FRAS1: variants seen among roughly 807,000 people sequenced by gnomAD.
The protein encoded by FRAS1 is extracellular matrix organizing protein FRAS1.
Under a neutral mutation model 435.2 loss-of-function variants are expected in FRAS1, and 290 were observed. That is an observed-to-expected ratio of 0.67 (90% CI 0.61 to 0.73). FRAS1 has a LOEUF of 0.73. FRAS1 is among the 30% of genes least tolerant of loss of function. FRAS1 has a pLI of 0.00. For missense variants in FRAS1, 4,860 were observed against 5,001.5 expected, an observed-to-expected ratio of 0.97 and a Z score of 0.85; for synonymous variants, 1,800 against 1,851.0, an observed-to-expected ratio of 0.97 and a Z score of 0.71.
chr4:78,114,199 G>A (rs57386926), intron 2 of FRAS1, among the ~76,000 whole-genome samples: 8,196 of 152,066 alleles, frequency 0.054, 361 homozygotes, highest in African/African-American at 0.12. Context: ...TATCTGTTTG[G>A]GTACCAGTAG....
chr4:78,490,255 A>G (rs1407370420), intron 59 of FRAS1, among the ~76,000 whole-genome samples: 1 of 152,194 alleles, frequency 6.6e-6, no homozygotes, highest in East Asian at 1.9e-4. Flanking sequence ...AATGAGACAG[A>G]AAATTAACAA....
intron 2 of FRAS1, among the ~76,000 whole-genome samples, chr4:78,228,344 G>C (rs2110104043): frequency 6.6e-6 from 1 of 152,264 alleles, no homozygotes; most frequent in Admixed American, 6.5e-5. Context: ...AATTTCTGTG[G>C]TTAACATCTC....
intron 37 of FRAS1, 59 bp from the exon 38 acceptor site, chr4:78,432,298 A>G (rs946511083): frequency 8.0e-6 from 12 of 1,501,768 alleles, no homozygotes; most frequent in Admixed American, 2.1e-5. Flanking sequence ...AAGGTGCTAT[A>G]TAATGAAAAG....
chr4:78,262,867 A>G (rs1726177061), intron 6 of FRAS1, among the ~76,000 whole-genome samples: 1 of 151,084 alleles, frequency 6.6e-6, no homozygotes, highest in African/African-American at 2.4e-5. Context: ...ATAAAGAACC[A>G]GATAACAAAC....
intron 2 of FRAS1, among the ~76,000 whole-genome samples, chr4:78,104,980 GT>G (rs1348384891): frequency 4.0e-5 from 6 of 151,604 alleles, no homozygotes; most frequent in African/African-American, 7.3e-5. Context: ...CTCCATTGAT[GT>G]TTTTTTCTGA....
intron 2 of FRAS1, among the ~76,000 whole-genome samples, chr4:78,119,826 G>A (rs1302258386): frequency 6.6e-6 from 1 of 152,124 alleles, no homozygotes; most frequent in Non-Finnish European, 1.5e-5. Context: ...ACCAGTGTAT[G>A]GGAAACTCCA....
At chr4:78,318,676 T>C (rs1729373188) in intron 17 of FRAS1, 134 bp from the exon 18 acceptor site, 1 of 837,922 alleles carries the variant, frequency 1.2e-6, no homozygotes, top group Non-Finnish European at 1.8e-6. Flanking sequence ...CTGTGCTTTG[T>C]ATAGAACATT....
At chr4:78,414,996 T>C (rs971311358) in intron 32 of FRAS1, among the ~76,000 whole-genome samples, 3 of 152,102 alleles carry the variant, frequency 2.0e-5, no homozygotes, top group Non-Finnish European at 4.4e-5. Flanking sequence ...CAGAGCTGGG[T>C]GAGTGTAAAT....
At chr4:78,237,222 GTCC>G (rs1388571695) in intron 2 of FRAS1, among the ~76,000 whole-genome samples, 2 of 152,136 alleles carry the variant, frequency 1.3e-5, no homozygotes, top group Non-Finnish European at 2.9e-5. Context: ...GGAGCAACTT[GTCC>G]TCCTGTGGTT....
intron 15 of FRAS1, among the ~76,000 whole-genome samples, chr4:78,311,451 G>A (rs73827967): frequency 0.014 from 2,086 of 152,024 alleles, 53 homozygotes; most frequent in African/African-American, 0.047. Flanking sequence ...GTGTGCCCCC[G>A]TCATATTACC....
chr4:78,238,984 G>A (rs1182329993), intron 3 of FRAS1, among the ~76,000 whole-genome samples: 1 of 152,140 alleles, frequency 6.6e-6, no homozygotes, highest in African/African-American at 2.4e-5. Context: ...AAAATTATGT[G>A]AAATCAAATT....
chr4:78,520,012 A>C (rs1721337965), intron 67 of FRAS1, among the ~76,000 whole-genome samples: 1 of 152,152 alleles, frequency 6.6e-6, no homozygotes, highest in Non-Finnish European at 1.5e-5. Flanking sequence ...CTGAATGTTT[A>C]AAATGACCTT....
rs1415924383 is a variant in FRAS1 at position 78,452,049 on chromosome 4, C to T, written c.6584-126C>T. On this transcript the variant is annotated intron_variant, in intron 46 of 73. Coordinates refer to ENST00000512123, the MANE Select transcript of FRAS1 (RefSeq NM_025074.7). ...CCTTTATTGCACGAAGCCCTGGCTC[C>T]TTGGTGTGCTCTCTAACACACAGGC... 6 of 1,248,640 alleles carry T rather than the reference C, an allele frequency of 4.8e-6. No homozygotes were observed. The Admixed American group carries it at 8.6e-5, about 18-fold the overall frequency. 77.3% of individuals were successfully genotyped at this position (1,248,640 alleles called of 1,614,324 possible).
intron 2 of FRAS1, among the ~76,000 whole-genome samples, chr4:78,109,392 T>G (rs1490937038): frequency 1.7e-3 from 246 of 148,072 alleles, no homozygotes; most frequent in African/African-American, 4.2e-3. Flanking sequence ...ATCAAAAAGC[T>G]TATCCACCAT....
intron 50 of FRAS1, among the ~76,000 whole-genome samples, chr4:78,467,633 T>G (rs1486463842): frequency 1.3e-5 from 2 of 152,216 alleles, no homozygotes; most frequent in Non-Finnish European, 2.9e-5. Context: ...TTTTTAGTTT[T>G]TTGAGGAACC....
intron 4 of FRAS1, among the ~76,000 whole-genome samples, chr4:78,250,351 T>A (rs78658353): frequency 0.012 from 1,806 of 152,320 alleles, 21 homozygotes; most frequent in Non-Finnish European, 0.017. Context: ...TGCCTTTTTA[T>A]ATAACATTAT....
At chr4:78,121,291 A>C (rs1040912177) in intron 2 of FRAS1, among the ~76,000 whole-genome samples, 6 of 152,196 alleles carry the variant, frequency 3.9e-5, no homozygotes, top group Non-Finnish European at 7.3e-5. Flanking sequence ...TCTTTGAACT[A>C]TTTGGTCTGG....
chr4:78,518,502 T>C (rs1043447427), intron 66 of FRAS1, among the ~76,000 whole-genome samples: 1 of 149,960 alleles, frequency 6.7e-6, no homozygotes, highest in East Asian at 1.9e-4. Context: ...ATTTTAAAAA[T>C]GTGTGAACTA....
chr4:78,533,076 C>G (rs1009433815), intron 70 of FRAS1, among the ~76,000 whole-genome samples: 1 of 152,184 alleles, frequency 6.6e-6, no homozygotes, highest in Non-Finnish European at 1.5e-5. Context: ...TACATAATGG[C>G]TGCACCAATT....
Sources: allele counts gnomAD v4.1 joint callset (sites outside exome capture counted in the v4.1 genomes callset), GRCh38; gene constraint gnomAD v4.1.1; transcripts MANE v1.5; gene names NCBI Gene and HGNC (gene_info 2026-07-23, HGNC 2026-07-21).